The following DMGDH variants were observed in gnomAD, a reference collection of about 807,000 sequenced individuals.
The protein encoded by DMGDH is dimethylglycine dehydrogenase, also known as dimethylglycine dehydrogenase, mitochondrial.
A neutral mutation model predicts 95.2 loss-of-function variants in DMGDH; 76 were observed. That is an observed-to-expected ratio of 0.80 (90% CI 0.66 to 0.97). The LOEUF (loss-of-function observed/expected upper bound fraction) is 0.97, where lower values mean the gene tolerates loss of function less well. Among genes scored for constraint, DMGDH ranks in the 50% least tolerant of loss-of-function variants. The probability of loss-of-function intolerance (pLI) is 0.00; values close to 1 mark genes in which losing one functional copy is unlikely to be tolerated. For synonymous variants in DMGDH, 345 were observed against 377.6 expected (o/e 0.91, Z 1.00); for missense variants, 987 against 1,055.0 (o/e 0.94, Z 0.89).
At position 79,030,927 on chromosome 5, in the gene DMGDH, G is replaced by A. The variant is rs1805073; in HGVS notation, c.1589C>T (p.Ala530Val). The change falls in exon 10 of 16, where the codon GCG (alanine) becomes GTG (valine). Residue 530 changes from alanine (A) to valine (V), a missense_variant. Transcript: ENST00000255189. ...SEYKQVMQRVAVTDLSPFGKF... is the reference protein window; with the variant it reads ...SEYKQVMQRVVVTDLSPFGKF... ...GCCAAATGGTGATAGGTCAGTTACC[G>A]CTACTCTTTGCATAACCTGTTTATA... 8 of 1,613,762 alleles carry A rather than the reference G, an allele frequency of 5.0e-6. No individual in the cohort carries two copies. Among genetic ancestry groups the A allele is most frequent in the African/African-American group, 2.7e-5 (2 of 74,814 alleles).
Position 78,998,311 on chromosome 5 carries a change from C to T in DMGDH, c.2386-14G>A. 2 of 1,607,490 alleles carry T rather than the reference C, an allele frequency of 1.2e-6. No individual in the cohort carries two copies. The highest frequency in any genetic ancestry group is 1.7e-6 in the Non-Finnish European group (2 of 1,176,076). ...GTTGCCAACCACCTGGAAAACAAGA[C>T]CCAACAGTCCTCAGCATCTTGGTCA... is the stretch of plus-strand genomic sequence containing the variant. On this transcript the variant is annotated splice_polypyrimidine_tract_variant and intron_variant, in intron 15 of 15. Transcript: ENST00000255189.
rs144348315 is a variant in DMGDH at position 79,064,188 on chromosome 5, A to G, written c.102-401T>C. ...GGCAACATGACGAAGCCCCGTCTCT[A>G]TAAAAAATACAAAAATTATCCAGGC... On this transcript the variant is annotated intron_variant, in intron 1 of 15. Transcript: ENST00000255189. 1.2e-4 allele frequency among the ~76,000 whole-genome samples: 19 copies of G among 152,196 alleles called. No homozygotes were observed. The East Asian group carries it at 3.7e-3, about 29-fold the overall frequency.
chr5:79,051,526 T>C, intron 4 of DMGDH, 35 bp from the exon 5 acceptor site: 1 of 1,548,336 alleles, frequency 6.5e-7, no homozygotes, highest in African/African-American at 1.4e-5. Context: ...TACTCAAATA[T>C]ATATATACTT....
chr5:79,005,466 A>C, intron 14 of DMGDH, 59 bp from the exon 15 acceptor site: 1 of 1,608,952 alleles, frequency 6.2e-7, no homozygotes, highest in Non-Finnish European at 8.5e-7. Flanking sequence ...ACAAGGTTAG[A>C]GATGCAAGCA....
At chr5:79,047,488 G>A (rs1397717464) in intron 5 of DMGDH, among the ~76,000 whole-genome samples, 1 of 152,140 alleles carries the variant, frequency 6.6e-6, no homozygotes, top group Non-Finnish European at 1.5e-5. Context: ...AAATTCTTAA[G>A]TAAATTTTAC....
intron 7 of DMGDH, among the ~76,000 whole-genome samples, chr5:79,033,825 G>A (rs1479443256): frequency 2.0e-5 from 3 of 152,124 alleles, no homozygotes; most frequent in Non-Finnish European, 2.9e-5. Context: ...CCAGGTACAC[G>A]GGTGGCTGAG....
chr5:78,999,983 C>T (rs1753426691), intron 15 of DMGDH: 1 of 232,710 alleles, frequency 4.3e-6, no homozygotes, highest in African/African-American at 2.3e-5. Context: ...TTCACAATCA[C>T]CAATTTGCAA....
chr5:79,033,146 T>C, intron 8 of DMGDH, 93 bp downstream of exon 8: 1 of 1,515,470 alleles, frequency 6.6e-7, no homozygotes, highest in Non-Finnish European at 9.1e-7. Flanking sequence ...ACTACCGCCA[T>C]CCCAGTGAAT....
chr5:79,064,802 T>C (rs1465964207), intron 1 of DMGDH, among the ~76,000 whole-genome samples: 1 of 152,096 alleles, frequency 6.6e-6, no homozygotes, highest in Non-Finnish European at 1.5e-5. Flanking sequence ...CAGCCTAGAG[T>C]ACAGTGGCTT....
chr5:79,022,618 C>T (rs1647307430), intron 14 of DMGDH, among the ~76,000 whole-genome samples: 1 of 152,110 alleles, frequency 6.6e-6, no homozygotes. Context: ...TAAAAACATG[C>T]CAGAAATCAA....
chr5:79,062,196 C>T (rs1277066449), intron 2 of DMGDH, among the ~76,000 whole-genome samples: 1 of 151,896 alleles, frequency 6.6e-6, no homozygotes, highest in Non-Finnish European at 1.5e-5. Context: ...TCCTTCTTCT[C>T]CTCCTCCATC....
chr5:79,007,047 C>T (rs1377262401), intron 14 of DMGDH, among the ~76,000 whole-genome samples: 1 of 152,072 alleles, frequency 6.6e-6, no homozygotes. Flanking sequence ...TGGTAAGAAC[C>T]AACTATAAAG....
intron 14 of DMGDH, among the ~76,000 whole-genome samples, chr5:79,017,524 T>C (rs1175359915): frequency 6.6e-6 from 1 of 152,180 alleles, no homozygotes; most frequent in Non-Finnish European, 1.5e-5. Context: ...TTGACAAGGA[T>C]GTAGAGGAGC....
At chr5:79,059,798 T>C (rs1755143804) in intron 2 of DMGDH, among the ~76,000 whole-genome samples, 1 of 152,222 alleles carries the variant, frequency 6.6e-6, no homozygotes, top group African/African-American at 2.4e-5. Context: ...TTTTTAAATA[T>C]ATAATCTGCT....
At chr5:79,017,661 T>C (rs1561209717) in intron 14 of DMGDH, among the ~76,000 whole-genome samples, 2 of 152,210 alleles carry the variant, frequency 1.3e-5, no homozygotes, top group South Asian at 2.1e-4. Flanking sequence ...GGTATTTACC[T>C]AGGGAAAAGA....
rs113163691 is a variant in DMGDH at position 79,024,583 on chromosome 5, T to G, written c.2191-253A>C. Reference sequence around the variant, plus strand: ...CACTGTGTTTCCACAGCTCTCCCATTTTAATAAACATCTGAGGGAATGTAC... The same window carrying G: ...CACTGTGTTTCCACAGCTCTCCCATGTTAATAAACATCTGAGGGAATGTAC... On this transcript the variant is annotated intron_variant, in intron 13 of 15. Coordinates refer to ENST00000255189, the MANE Select transcript of DMGDH (RefSeq NM_013391.3). Among the ~76,000 whole-genome samples the G allele has an allele frequency of 4.3e-3, 649 of 152,342 alleles. 6 individuals are homozygous for G. The highest frequency in any genetic ancestry group is 0.015 in the African/African-American group (614 of 41,582).
chr5:79,058,237 A>G (rs567382457), intron 2 of DMGDH, among the ~76,000 whole-genome samples: 2 of 152,316 alleles, frequency 1.3e-5, no homozygotes, highest in South Asian at 4.1e-4. Flanking sequence ...TAATTTTTAT[A>G]CCCTTTCTTT....
At chr5:79,054,474 A>G in intron 3 of DMGDH, 126 bp from the exon 4 acceptor site, 1 of 981,054 alleles carries the variant, frequency 1.0e-6, no homozygotes, top group Non-Finnish European at 1.5e-6. Flanking sequence ...AGAAATAACT[A>G]TTAAAATATT....
chr5:79,059,394 C>G (rs73132156), intron 2 of DMGDH, among the ~76,000 whole-genome samples: 1 of 152,144 alleles, frequency 6.6e-6, no homozygotes, highest in Non-Finnish European at 1.5e-5. Context: ...GTCTCTGCAT[C>G]CTGACACCCC....
Sources: gnomAD v4.1 joint callset for allele counts (sites outside exome capture counted in the v4.1 genomes callset) on GRCh38, gnomAD v4.1.1 for gene constraint, MANE v1.5 for transcripts, NCBI Gene and HGNC (gene_info 2026-07-23, HGNC 2026-07-21) for gene names.